The following CDC40 variants were observed in gnomAD, a reference collection of about 807,000 sequenced individuals.
CDC40 encodes cell division cycle 40.
A neutral mutation model predicts 80.6 loss-of-function variants in CDC40; 27 were observed. That is an observed-to-expected ratio of 0.33 (90% CI 0.25 to 0.46). CDC40 has a LOEUF of 0.46. Among genes scored for constraint, CDC40 ranks in the 20% least tolerant of loss-of-function variants. The probability of loss-of-function intolerance (pLI) is 1.00; values close to 1 mark genes in which losing one functional copy is unlikely to be tolerated. For synonymous variants in CDC40, 221 were observed against 232.6 expected (o/e 0.95, Z 0.45); for missense variants, 486 against 694.1 (o/e 0.70, Z 3.37).
At chr6:110,223,899 C>G (rs946327128) in intron 12 of CDC40, among the ~76,000 whole-genome samples, 3 of 152,022 alleles carry the variant, frequency 2.0e-5, no homozygotes, top group African/African-American at 7.2e-5. Flanking sequence ...GTGGCACAAT[C>G]TTGGCTCACT....
chr6:110,230,048 T>C lies in CDC40; in HGVS notation c.1657T>C (p.Cys553Arg), dbSNP rs1777915620. ...YSRFKAHDKVCIGAVWHPHET... is the reference protein window; with the variant it reads ...YSRFKAHDKVRIGAVWHPHET... ...TCGATTTAAAGCTCATGATAAAGTG[T>C]GTATAGGTGCAGTGTGGCATCCTCA... The change falls in exon 15 of 15, where the codon TGT (cysteine) becomes CGT (arginine). Residue 553 changes from cysteine (C) to arginine (R), a missense_variant. By Grantham distance (180) the Cys-to-Arg change is radical. Coordinates refer to ENST00000307731, the MANE Select transcript of CDC40 (RefSeq NM_015891.3). The C allele has an allele frequency of 6.2e-7, 1 of 1,610,948 alleles. No individual in the cohort carries two copies. Among genetic ancestry groups the C allele is most frequent in the Non-Finnish European group, 8.5e-7 (1 of 1,177,334 alleles).
intron 3 of CDC40, among the ~76,000 whole-genome samples, chr6:110,206,422 A>T (rs1169854686): frequency 2.6e-5 from 4 of 152,218 alleles, no homozygotes; most frequent in African/African-American, 9.6e-5. Flanking sequence ...ACTCTTGTGA[A>T]TATACCAGAC....
intron 8 of CDC40, among the ~76,000 whole-genome samples, 168 bp downstream of exon 8, chr6:110,213,328 A>G (rs890838876): frequency 6.6e-6 from 1 of 151,904 alleles, no homozygotes; most frequent in Admixed American, 6.6e-5. Context: ...CATAAAATCA[A>G]CTATGGCTCT....
At chr6:110,202,885 C>T (rs1777510977) in intron 3 of CDC40, among the ~76,000 whole-genome samples, 1 of 151,550 alleles carries the variant, frequency 6.6e-6, no homozygotes, top group African/African-American at 2.4e-5. Flanking sequence ...AGATTTTTGC[C>T]TCTCCCACTA....
intron 6 of CDC40, 53 bp from the exon 7 acceptor site, chr6:110,212,080 T>TTAAG (rs1432368903): frequency 1.8e-5 from 27 of 1,475,824 alleles, no homozygotes; most frequent in Non-Finnish European, 2.5e-5. Context: ...ATGTTAGGTT[T>TTAAG]CATGACTATG....
chr6:110,220,692 A>G (rs9384735), intron 12 of CDC40, among the ~76,000 whole-genome samples: 122,651 of 152,052 alleles, frequency 0.81, 51,626 homozygotes, highest in Non-Finnish European at 0.93. Flanking sequence ...TGATCCGCCC[A>G]CCTTGGCCTC....
chr6:110,183,025 C>T lies in CDC40; in HGVS notation c.189+2392C>T, dbSNP rs914688961. 4.6e-5 allele frequency among the ~76,000 whole-genome samples: 7 copies of T among 152,286 alleles called. No homozygotes were observed. In the East Asian group the frequency reaches 5.8e-4, roughly 13 times the overall value. ...GAACTCTTTACAAAGCCCTGAAAGC[C>T]GAATTTTCTTTCTTCCTCTGAAGAT... is the stretch of plus-strand genomic sequence containing the variant. On this transcript the variant is annotated intron_variant, in intron 1 of 14. Transcript: ENST00000307731.
intron 3 of CDC40, among the ~76,000 whole-genome samples, chr6:110,205,718 C>T (rs760735235): frequency 3.3e-5 from 5 of 152,132 alleles, no homozygotes; most frequent in African/African-American, 7.2e-5. Flanking sequence ...TTTATGTAGA[C>T]GTTAAGTCTC....
Position 110,207,737 on chromosome 6 carries a change from T to C in CDC40, c.490+148T>C, listed in dbSNP as rs150235777. On this transcript the variant is annotated intron_variant, in intron 4 of 14. Transcript: ENST00000307731. ...AATGGAGCGATACAGTTTAGAGCAA[T>C]ATAGTTCAGAAATGTTACAGTTTAG... 170 of 528,814 alleles carry C rather than the reference T, an allele frequency of 3.2e-4. 1 individual carries two copies. The highest frequency in any genetic ancestry group is 2.9e-3 in the African/African-American group (150 of 51,772). The allele number at this position is 528,814 out of a possible 1,614,324, so 32.8% of individuals were successfully genotyped here. A position where few individuals can be genotyped will look rare whatever the true frequency, so the allele number is the denominator to read the frequency against.
chr6:110,207,827 G>C (rs1217552116), intron 4 of CDC40, among the ~76,000 whole-genome samples: 1 of 152,084 alleles, frequency 6.6e-6, no homozygotes, highest in Non-Finnish European at 1.5e-5. Flanking sequence ...ATATCTCTTT[G>C]AGTTACTTTG....
chr6:110,204,239 C>G (rs1430485398), intron 3 of CDC40, among the ~76,000 whole-genome samples: 2 of 152,096 alleles, frequency 1.3e-5, no homozygotes, highest in Non-Finnish European at 2.9e-5. Context: ...GTCTCGATCT[C>G]CTGACCTTGT....
chr6:110,207,458 A>C (rs750028749), intron 3 of CDC40, 48 bp from the exon 4 acceptor site: 9 of 938,512 alleles, frequency 9.6e-6, no homozygotes, highest in Non-Finnish European at 1.5e-5. Flanking sequence ...AATAAAATGA[A>C]TTTAAACAGC....
intron 1 of CDC40, among the ~76,000 whole-genome samples, chr6:110,185,843 AAAAG>A (rs1211217170): frequency 6.6e-6 from 1 of 152,214 alleles, no homozygotes; most frequent in African/African-American, 2.4e-5. Context: ...ATCACAGAAA[AAAAG>A]AAAGGCAGAA....
chr6:110,193,530 G>A lies in CDC40; in HGVS notation c.276+262G>A, dbSNP rs529163109. Among the ~76,000 whole-genome samples, 27 of 151,836 alleles carry A rather than the reference G, an allele frequency of 1.8e-4. 1 individual carries two copies. Among genetic ancestry groups the A allele is most frequent in the East Asian group, 1.7e-3 (9 of 5,152 alleles). On this transcript the variant is annotated intron_variant, in intron 2 of 14. Transcript: ENST00000307731. ...CACCATTCTCCTGCCTCAGCCTCCC[G>A]AGTAGCTGGGACTACAGGCGCCCAC... is the stretch of plus-strand genomic sequence containing the variant.
chr6:110,231,671 G>A lies in CDC40; in HGVS notation c.*1540G>A, dbSNP rs981178387. ...TGATAGCAGCTTGGAGTGCTAACTG[G>A]AAGATCAAAATCATGTCTCTTGCTG... On this transcript the variant is annotated 3_prime_UTR_variant, in exon 15 of 15. Transcript: ENST00000307731. 4.6e-5 allele frequency: 7 copies of A among 152,056 alleles called. No homozygotes were observed. The highest frequency in any genetic ancestry group is 1.7e-4 in the African/African-American group (7 of 41,394). 9.4% of individuals were successfully genotyped at this position (152,056 alleles called of 1,614,324 possible).
intron 10 of CDC40, among the ~76,000 whole-genome samples, chr6:110,218,133 A>G (rs1777724033): frequency 6.6e-6 from 1 of 152,248 alleles, no homozygotes; most frequent in African/African-American, 2.4e-5. Context: ...GAAGTGCAAT[A>G]AATGTCTAAT....
chr6:110,214,865 A>T (rs1777679146), intron 8 of CDC40, among the ~76,000 whole-genome samples: 1 of 152,256 alleles, frequency 6.6e-6, no homozygotes. Context: ...GGCTTTCAGT[A>T]TCAAAATGTT....
At chr6:110,221,069 T>C (rs956654278) in intron 12 of CDC40, among the ~76,000 whole-genome samples, 6 of 152,206 alleles carry the variant, frequency 3.9e-5, no homozygotes, top group Non-Finnish European at 5.9e-5. Flanking sequence ...GGAAAAAATA[T>C]TTTTCTAAAG....
intron 1 of CDC40, among the ~76,000 whole-genome samples, chr6:110,186,415 C>T (rs911143027): frequency 1.3e-5 from 2 of 151,982 alleles, no homozygotes; most frequent in African/African-American, 4.8e-5. Context: ...GCCAAAGAGG[C>T]AGAGGTTGCA....
Sources: gnomAD v4.1 joint callset for allele counts (sites outside exome capture counted in the v4.1 genomes callset) on GRCh38, gnomAD v4.1.1 for gene constraint, MANE v1.5 for transcripts, NCBI Gene and HGNC (gene_info 2026-07-23, HGNC 2026-07-21) for gene names.